The following COL22A1 variants were observed in gnomAD, a reference collection of about 807,000 sequenced individuals.
The protein encoded by COL22A1 is collagen alpha-1(XXII) chain.
A neutral mutation model predicts 248.9 loss-of-function variants in COL22A1; 221 were observed. That is an observed-to-expected ratio of 0.89 (90% CI 0.80 to 0.99). The LOEUF is 0.99. COL22A1 is among the 50% of genes least tolerant of loss of function. The probability of loss-of-function intolerance (pLI) is 0.00; values close to 1 mark genes in which losing one functional copy is unlikely to be tolerated. For missense variants in COL22A1, 2,240 were observed against 2,179.0 expected (o/e 1.03, Z -0.56); for synonymous variants, 891 against 793.4 (o/e 1.12, Z -2.07).
chr8:138,659,869 G>A (rs924453732), intron 44 of COL22A1, among the ~76,000 whole-genome samples: 7 of 152,330 alleles, frequency 4.6e-5, no homozygotes, highest in African/African-American at 1.4e-4. Context: ...AAGAAAGAAC[G>A]TTTCTTCCAT....
chr8:138,671,840 A>G (rs1825059856), intron 41 of COL22A1, among the ~76,000 whole-genome samples: 1 of 152,164 alleles, frequency 6.6e-6, no homozygotes, highest in Non-Finnish European at 1.5e-5. Context: ...ACAGTACTAT[A>G]AATGTATTTT....
Position 138,636,811 on chromosome 8 carries a change from A to T in COL22A1, c.3502-16T>A. ...CTTGACTTCCCTTGAAAGGAAAAAA[A>T]AGAAAAGAAAGATGTCACTGGAAAT... is the stretch of plus-strand genomic sequence containing the variant. On this transcript the variant is annotated splice_polypyrimidine_tract_variant and intron_variant, in intron 47 of 64. Coordinates refer to ENST00000303045, the MANE Select transcript of COL22A1 (RefSeq NM_152888.3). The T allele has an allele frequency of 6.2e-7, 1 of 1,605,596 alleles. No homozygotes were observed. Among genetic ancestry groups the T allele is most frequent in the Non-Finnish European group, 8.5e-7 (1 of 1,172,862 alleles).
intron 12 of COL22A1, among the ~76,000 whole-genome samples, chr8:138,793,679 C>G (rs541112964): frequency 6.6e-6 from 1 of 152,192 alleles, no homozygotes; most frequent in Admixed American, 6.5e-5. Flanking sequence ...ACTATGCCCT[C>G]GCGGCATCAG....
rs1475961614 is a variant in COL22A1, at chr8:138,634,881, T to C, written c.3609+129A>G. 5.5e-6 allele frequency: 4 copies of C among 722,650 alleles called. No individual in the cohort carries two copies. In the African/African-American group the frequency reaches 7.2e-5, roughly 13 times the overall value. 44.8% of individuals were successfully genotyped at this position (722,650 alleles called of 1,614,324 possible). A position where few individuals can be genotyped will look rare whatever the true frequency, so the allele number is the denominator to read the frequency against. On this transcript the variant is annotated intron_variant, in intron 49 of 64. Transcript: ENST00000303045. ...GACTTGCATTTTTAGGACAACTCTG[T>C]CACCTTTTGGGTGTTGGGCCATCCC...
At chr8:138,859,444 G>A (rs943714205) in intron 3 of COL22A1, among the ~76,000 whole-genome samples, 11 of 152,172 alleles carry the variant, frequency 7.2e-5, no homozygotes, top group African/African-American at 2.7e-4. Flanking sequence ...GAAGGCTGGT[G>A]GAGGTGGGCT....
At chr8:138,663,031 C>CACACACACACACACACACACACAT (rs1362726844) in intron 42 of COL22A1, among the ~76,000 whole-genome samples, 2 of 151,984 alleles carry the variant, frequency 1.3e-5, no homozygotes, top group Non-Finnish European at 2.9e-5. Context: ...CACACACACA[C>CACACACACACACACACACACACAT]ACACAAAGCA....
chr8:138,651,937 C>A (rs538821109), intron 45 of COL22A1, among the ~76,000 whole-genome samples: 6 of 152,176 alleles, frequency 3.9e-5, no homozygotes, highest in African/African-American at 1.4e-4. Context: ...GGGCTCTCAA[C>A]CTGGGCCTGT....
chr8:138,835,207 A>G (rs752474198), intron 4 of COL22A1, among the ~76,000 whole-genome samples: 8 of 152,204 alleles, frequency 5.3e-5, no homozygotes, highest in Non-Finnish European at 1.2e-4. Flanking sequence ...GTTCTTGGAA[A>G]ATGACTAAGA....
At chr8:138,722,171 C>A (rs1829918125) in intron 25 of COL22A1, 82 bp from the exon 26 acceptor site, 1 of 1,269,516 alleles carries the variant, frequency 7.9e-7, no homozygotes, top group East Asian at 2.6e-5. Context: ...AAACCAGGAG[C>A]TGTTTTTGCA....
At chr8:138,760,419 G>T in intron 17 of COL22A1, 132 bp from the exon 18 acceptor site, 1 of 753,856 alleles carries the variant, frequency 1.3e-6, no homozygotes, top group Non-Finnish European at 2.1e-6. Context: ...AGTCCCTTTA[G>T]ACCTGACTTT....
Position 138,873,636 on chromosome 8 carries a change from G to A in COL22A1, c.658+4114C>T, listed in dbSNP as rs568985126. On this transcript the variant is annotated intron_variant, in intron 3 of 64. Coordinates refer to ENST00000303045, the MANE Select transcript of COL22A1 (RefSeq NM_152888.3). ...TGTAATTGTCTGCCATTTTCCTGCT[G>A]CCCCAAGTAGACAAGTTTCCCTCTC... Among the ~76,000 whole-genome samples the A allele has an allele frequency of 2.0e-5, 3 of 152,306 alleles. No homozygotes were observed. In the South Asian group the frequency reaches 6.2e-4, roughly 32 times the overall value.
intron 12 of COL22A1, 29 bp downstream of exon 12, chr8:138,796,790 G>C (rs201799867): frequency 7.1e-5 from 106 of 1,498,474 alleles, no homozygotes; most frequent in Non-Finnish European, 9.4e-5. Context: ...CATTCCCTTG[G>C]AGGAGTGTGA....
At chr8:138,846,433 A>T (rs1448601892) in intron 3 of COL22A1, among the ~76,000 whole-genome samples, 1 of 152,188 alleles carries the variant, frequency 6.6e-6, no homozygotes, top group Non-Finnish European at 1.5e-5. Context: ...AATGATGGAG[A>T]TTCTACTCAA....
At chr8:138,902,895 G>A (rs1348799840) in intron 1 of COL22A1, among the ~76,000 whole-genome samples, 1 of 151,774 alleles carries the variant, frequency 6.6e-6, no homozygotes, top group Non-Finnish European at 1.5e-5. Context: ...AAACGCGGTT[G>A]GTCTCAGGGA....
Position 138,876,924 on chromosome 8 carries a change from T to C in COL22A1, c.658+826A>G, listed in dbSNP as rs184150074. On this transcript the variant is annotated intron_variant, in intron 3 of 64. Coordinates refer to ENST00000303045, the MANE Select transcript of COL22A1 (RefSeq NM_152888.3). ...AAGATTACTCAGCACCCACTGTGAC[T>C]GGAGAAGGACAAATGTCACCCCAAT... Among the ~76,000 whole-genome samples the C allele has an allele frequency of 2.0e-3, 303 of 152,368 alleles. 1 individual carries two copies. Among genetic ancestry groups the C allele is most frequent in the African/African-American group, 6.3e-3 (261 of 41,590 alleles).
intron 21 of COL22A1, among the ~76,000 whole-genome samples, chr8:138,753,026 T>C (rs1397723633): frequency 6.6e-6 from 1 of 152,184 alleles, no homozygotes; most frequent in Non-Finnish European, 1.5e-5. Context: ...GCGGTAGATT[T>C]CCAAGTTAGG....
rs561653559 is a variant in COL22A1, at chr8:138,805,950, A to G, written c.1494+1818T>C. 3.3e-3 allele frequency among the ~76,000 whole-genome samples: 355 copies of G among 108,472 alleles called. 3 individuals are homozygous for G. The highest frequency in any genetic ancestry group is 0.012 in the African/African-American group (331 of 27,238). 71.2% of individuals were successfully genotyped at this position (108,472 alleles called of 152,430 possible). On this transcript the variant is annotated intron_variant, in intron 10 of 64. Transcript: ENST00000303045. The stretch of plus-strand genomic sequence containing the variant: ...TGTGTGACTGTGTGTGTGATGGTAT[A>G]TTATGGTGTGTATGTGTGATAGTGT...
rs910231747 is a variant in COL22A1 at position 138,588,607 on chromosome 8, G to C, written c.*646C>G. 1 of 152,192 alleles carries C rather than the reference G, an allele frequency of 6.6e-6. No individual in the cohort carries two copies. The highest frequency in any genetic ancestry group is 2.4e-5 in the African/African-American group (1 of 41,436). The allele number at this position is 152,192 out of a possible 1,614,324, so 9.4% of individuals were successfully genotyped here. A position where few individuals can be genotyped will look rare whatever the true frequency, so the allele number is the denominator to read the frequency against. On this transcript the variant is annotated 3_prime_UTR_variant, in exon 65 of 65. Coordinates refer to ENST00000303045, the MANE Select transcript of COL22A1 (RefSeq NM_152888.3). ...ACATTATTTCACTTCTGTGAGCTTA[G>C]AGCACTGAGGTGGCTGGAGTGCACC...
At position 138,780,952 on chromosome 8, in the gene COL22A1, C is replaced by A. The variant is rs1311186313; in HGVS notation, c.1625G>T (p.Gly542Val). The change falls in exon 13 of 65, where the codon GGG (glycine) becomes GTG (valine). Residue 542 changes from glycine (G) to valine (V), a missense_variant. By Grantham distance (109) the Gly-to-Val change is moderately radical (BLOSUM62 -3). Transcript: ENST00000303045. Reference protein sequence around the residue: ...KGSLGLPGPPGRDGSKGMRGE... With the variant: ...KGSLGLPGPPVRDGSKGMRGE... ...TCTCATGCCTTTGCTGCCGTCTCTC[C>A]CAGGGGGGCCGGGCAGGCCCAGGGA... is the stretch of plus-strand genomic sequence containing the variant. The A allele has an allele frequency of 6.2e-7, 1 of 1,611,812 alleles. No homozygotes were observed. Among genetic ancestry groups the A allele is most frequent in the African/African-American group, 1.3e-5 (1 of 74,806 alleles).
Sources: allele counts gnomAD v4.1 joint callset (sites outside exome capture counted in the v4.1 genomes callset), GRCh38; gene constraint gnomAD v4.1.1; transcripts MANE v1.5; gene names NCBI Gene and HGNC (gene_info 2026-07-23, HGNC 2026-07-21).